The following ACIN1 variants were observed in gnomAD, a reference collection of about 807,000 sequenced individuals.
ACIN1 encodes the protein apoptotic chromatin condensation inducer in the nucleus.
A neutral mutation model predicts 146.6 loss-of-function variants in ACIN1; 16 were observed. The ratio of observed to expected loss-of-function variants is 0.11; its 90% CI spans 0.07 to 0.17. ACIN1 has a LOEUF of 0.17. Among genes scored for constraint, ACIN1 ranks in the 10% least tolerant of loss-of-function variants. The pLI, the probability that ACIN1 is intolerant of heterozygous loss-of-function variation, is 1.00. For synonymous variants in ACIN1, 569 were observed against 582.7 expected (o/e 0.98, Z 0.34); for missense variants, 1,357 against 1,609.3 (o/e 0.84, Z 2.68).
rs574538856 is a variant in ACIN1 at position 23,075,068 on chromosome 14, C to A, written c.2123+3083G>T. ...TGACAACAAATTCTGCTTTTTCATG[C>A]ATCATTTGGGATATTGGCATTGTAT... is the stretch of plus-strand genomic sequence containing the variant. On this transcript the variant is annotated intron_variant, in intron 8 of 18. Coordinates refer to ENST00000605057, the MANE Select transcript of ACIN1 (RefSeq NM_001386863.1). 1.4e-4 allele frequency among the ~76,000 whole-genome samples: 21 copies of A among 152,254 alleles called. 1 individual carries two copies. Among genetic ancestry groups the A allele is most frequent in the African/African-American group, 4.8e-4 (20 of 41,544 alleles).
At position 23,062,671 on chromosome 14, in the gene ACIN1, A is replaced by G; in HGVS notation, c.2884-148T>C. On this transcript the variant is annotated intron_variant, in intron 14 of 18. Transcript: ENST00000605057. Reference sequence around the variant, plus strand: ...GGAACCTTGCAGTAAGAATGTGAGAAGAGTGGTGGTGCTTCCCAGCACTAA... The same window carrying G: ...GGAACCTTGCAGTAAGAATGTGAGAGGAGTGGTGGTGCTTCCCAGCACTAA... The G allele has an allele frequency of 3.7e-6, 3 of 812,358 alleles. No homozygotes were observed. In the South Asian group the frequency reaches 5.0e-5, roughly 13 times the overall value. 50.3% of individuals were successfully genotyped at this position (812,358 alleles called of 1,614,324 possible). A position where few individuals can be genotyped will look rare whatever the true frequency, so the allele number is the denominator to read the frequency against.
chr14:23,086,429 G>T (rs1368465993), intron 4 of ACIN1, among the ~76,000 whole-genome samples: 1 of 152,224 alleles, frequency 6.6e-6, no homozygotes, highest in Non-Finnish European at 1.5e-5. Context: ...GACAATTTAT[G>T]ACTATGGTAG....
chr14:23,061,598 C>A lies in ACIN1; in HGVS notation c.3124G>T (p.Val1042Leu). Residue 1042 changes from valine (V) to leucine (L), a missense_variant, in exon 17 of 19, where the codon GTG becomes TTG. By Grantham distance (32) the Val-to-Leu change is conservative. Around this residue, in one of 4 missense-constraint regions of ACIN1, gnomAD observed 509 missense variants for 719.6 expected, o/e 0.71. Coordinates refer to ENST00000605057, the MANE Select transcript of ACIN1 (RefSeq NM_001386863.1). ...DELDYHRGLL[V>L]DRPSETKTEE... Reference sequence around the variant, plus strand: ...GTCTTAGTTTCAGAGGGACGGTCCACCAAGAGGCCTCGGTGATAATCCAGC... The same window carrying A: ...GTCTTAGTTTCAGAGGGACGGTCCAACAAGAGGCCTCGGTGATAATCCAGC... 6.5e-7 allele frequency: 1 copy of A among 1,545,730 alleles called. No homozygotes were observed. The highest frequency in any genetic ancestry group is 2.0e-5 in the Admixed American group (1 of 51,190).
At chr14:23,094,506 C>G in intron 1 of ACIN1, 1 of 985,312 alleles carries the variant, frequency 1.0e-6, no homozygotes, top group Non-Finnish European at 1.2e-6. Flanking sequence ...CTCATCTAAT[C>G]GAGCAGACAT....
At chr14:23,069,652 G>GTGGGGGGGGGGGGGGGGGGC in intron 8 of ACIN1, 35 bp from the exon 9 acceptor site, 5 of 577,958 alleles carry the variant, frequency 8.7e-6, no homozygotes, top group East Asian at 4.3e-5. Context: ...GGGGGGGCGG[G>GTGGGGGGGGGGGGGGGGGGC]CAGAAAAGAA....
chr14:23,083,082 T>TAA (rs977158613), intron 4 of ACIN1, among the ~76,000 whole-genome samples: 1 of 151,730 alleles, frequency 6.6e-6, no homozygotes, highest in Non-Finnish European at 1.5e-5. Context: ...AAAGTTCTAT[T>TAA]AAAAAGCTTG....
At chr14:23,072,446 T>C (rs1410669942) in intron 8 of ACIN1, among the ~76,000 whole-genome samples, 1 of 152,114 alleles carries the variant, frequency 6.6e-6, no homozygotes, top group Non-Finnish European at 1.5e-5. Context: ...AGTGCTGCTA[T>C]ATGGGGCGGG....
At position 23,061,326 on chromosome 14, in the gene ACIN1, C is replaced by T. The variant is rs746573980; in HGVS notation, c.3396G>A (p.Lys1132=). The T allele has an allele frequency of 2.5e-6, 4 of 1,614,124 alleles. No homozygotes were observed. In the Admixed American group the frequency reaches 6.7e-5, roughly 27 times the overall value. The stretch of plus-strand genomic sequence containing the variant: ...TCTTCTCACTCTTCTTTTCTTTAGA[C>T]TTCGCACGTTCCTTGCGGCGGCGGT... The part of the protein sequence containing the change: ...SRDRRRKERA[K]SKEKKSEKKE... The change falls in exon 17 of 19, where the codon AAG becomes AAA. Residue 1132 remains lysine, a synonymous_variant. Coordinates refer to ENST00000605057, the MANE Select transcript of ACIN1 (RefSeq NM_001386863.1).
At chr14:23,085,147 G>A (rs145878871) in intron 4 of ACIN1, among the ~76,000 whole-genome samples, 2,485 of 152,126 alleles carry the variant, frequency 0.016, 23 homozygotes, top group Non-Finnish European at 0.026. Flanking sequence ...TTAAGACCAT[G>A]GTGAAACCCC....
At position 23,078,929 on chromosome 14, in the gene ACIN1, C is replaced by A. The variant is rs751078664; in HGVS notation, c.1898G>T (p.Cys633Phe). 76 of 1,614,068 alleles carry A rather than the reference C, an allele frequency of 4.7e-5. No individual in the cohort carries two copies. The highest frequency in any genetic ancestry group is 6.1e-5 in the Non-Finnish European group (72 of 1,180,042). Residue 633 changes from cysteine (C) to phenylalanine (F), a missense_variant, in exon 7 of 19, where the codon TGT becomes TTT. Cys to Phe is a radical substitution (Grantham distance 205, BLOSUM62 -2). Transcript: ENST00000605057. ...ATPPVPQLQV[C>F]EPKERTSTSS... ...GGTGGAAGTCCTCTCCTTTGGCTCA[C>A]AGACCTGCAGTTGTGGCACTGGTGG... is the stretch of plus-strand genomic sequence containing the variant.
intron 14 of ACIN1, 64 bp downstream of exon 14, chr14:23,062,865 G>C: frequency 6.6e-7 from 1 of 1,516,110 alleles, no homozygotes; most frequent in South Asian, 1.3e-5. Flanking sequence ...AACCTAGGAG[G>C]CATAAGCCTA....
In ACIN1 at chr14:23,078,816, C is replaced by G; in HGVS notation, c.2007+4G>C. 4 of 1,611,940 alleles carry G rather than the reference C, an allele frequency of 2.5e-6. No homozygotes were observed. The highest frequency in any genetic ancestry group is 2.5e-6 in the Non-Finnish European group (3 of 1,179,684). On this transcript the variant is annotated splice_donor_region_variant and intron_variant, in intron 7 of 18. Coordinates refer to ENST00000605057, the MANE Select transcript of ACIN1 (RefSeq NM_001386863.1). The stretch of plus-strand genomic sequence containing the variant: ...CTGTGTAGGGAGGGGTCACAATAGC[C>G]TACCCGCTCAGGCTGTAACCTCTGG...
In ACIN1 at chr14:23,069,316, T is replaced by C. The variant is rs949414737; in HGVS notation, c.2265+160A>G. On this transcript the variant is annotated intron_variant, in intron 9 of 18. Coordinates refer to ENST00000605057, the MANE Select transcript of ACIN1 (RefSeq NM_001386863.1). ...CCCCGTCACAAGGGGTCTCCCTTGCTAAACCAGCGAATTCTCCCTTGGCCC... is the reference window on the plus strand; with the variant it reads ...CCCCGTCACAAGGGGTCTCCCTTGCCAAACCAGCGAATTCTCCCTTGGCCC... The C allele has an allele frequency of 5.2e-6, 7 of 1,339,990 alleles. No individual in the cohort carries two copies. In the African/African-American group the frequency reaches 1.0e-4, roughly 20 times the overall value. The allele number at this position is 1,339,990 out of a possible 1,614,324, so 83.0% of individuals were successfully genotyped here.
rs754538392 is a variant in ACIN1, at chr14:23,059,222, G to A, written c.3778C>T (p.Arg1260Cys). ...CTGCTGTGGCGCTTGGTGTCCCTGCGATCCCTTTCCCTGCCTCGTTCTCGG... is the reference window on the plus strand; with the variant it reads ...CTGCTGTGGCGCTTGGTGTCCCTGCAATCCCTTTCCCTGCCTCGTTCTCGG... ...RDRERGRERD[R>C]RDTKRHSRSR... The change falls in exon 19 of 19, where the codon CGC becomes TGC. Residue 1260 changes from arginine to cysteine, a missense_variant. Arg to Cys is a radical substitution (Grantham distance 180). Transcript: ENST00000605057. The A allele has an allele frequency of 6.2e-7, 1 of 1,613,844 alleles. No homozygotes were observed. Among genetic ancestry groups the A allele is most frequent in the Non-Finnish European group, 8.5e-7 (1 of 1,179,970 alleles).
At chr14:23,089,414 A>T (rs1413440020) in intron 4 of ACIN1, among the ~76,000 whole-genome samples, 2 of 152,100 alleles carry the variant, frequency 1.3e-5, no homozygotes, top group Non-Finnish European at 2.9e-5. Flanking sequence ...AACCAATCCC[A>T]TATACTAGGT....
rs116018331 is a variant in ACIN1, at chr14:23,080,417, T to G, written c.918A>C (p.Thr306=). The G allele has an allele frequency of 6.2e-7, 1 of 1,614,124 alleles. No individual in the cohort carries two copies. Among genetic ancestry groups the G allele is most frequent in the African/African-American group, 1.3e-5 (1 of 75,018 alleles). ...RQQQEKEMKT[T]SPLEEEEREI... ...CTCTTTCTTCCTCCTCAAGGGGAGA[T>G]GTTGTTTTCATTTCCTTCTCCTGCT... Residue 306 remains threonine (T), a synonymous_variant, in exon 6 of 19, where the codon ACA becomes ACC. Transcript: ENST00000605057.
At chr14:23,094,682 C>A (rs1011867637) in intron 1 of ACIN1, 2 of 720,094 alleles carry the variant, frequency 2.8e-6, no homozygotes, top group African/African-American at 3.6e-5. Context: ...TGCGCCGAAA[C>A]CACAGATACA....
intron 16 of ACIN1, among the ~76,000 whole-genome samples, 177 bp from the exon 17 acceptor site, chr14:23,061,799 C>T (rs779325065): frequency 9.2e-5 from 14 of 151,842 alleles, no homozygotes; most frequent in Non-Finnish European, 1.5e-4. Flanking sequence ...CGGTGAAACC[C>T]CGTCTCTACT....
intron 8 of ACIN1, among the ~76,000 whole-genome samples, chr14:23,075,109 T>C (rs2047764597): frequency 6.6e-6 from 1 of 152,196 alleles, no homozygotes; most frequent in African/African-American, 2.4e-5. Context: ...CTGGGGAATA[T>C]CAATTACACC....
Sources: gnomAD v4.1 joint callset for allele counts (sites outside exome capture counted in the v4.1 genomes callset) on GRCh38, gnomAD v4.1.1 for gene constraint, gnomAD v4.1.1 regional missense constraint, MANE v1.5 for transcripts, NCBI Gene and HGNC (gene_info 2026-07-23, HGNC 2026-07-21) for gene names.